Variants in RBFOX1 observed in about 807,000 individuals in gnomAD.
RBFOX1 encodes RNA binding protein fox-1 homolog 1.
In RBFOX1, 8 loss-of-function variants were observed where a neutral mutation model predicts 57.7. The ratio of observed to expected loss-of-function variants is 0.14; its 90% CI spans 0.08 to 0.25. The LOEUF is 0.25. Ranked by LOEUF, RBFOX1 falls within the 10% of genes least tolerant of loss-of-function variation. The pLI is 1.00. For missense variants in RBFOX1, 611 were observed against 548.5 expected, an observed-to-expected ratio of 1.11 and a Z score of -1.14; for synonymous variants, 326 against 222.4, an observed-to-expected ratio of 1.47 and a Z score of -4.15.
Position 6,656,930 on chromosome 16 carries a change from C to T in RBFOX1, c.-16+2280C>T, listed in dbSNP as rs1213258652. The stretch of plus-strand genomic sequence containing the variant: ...CTCCTCTCCTCCCCTCTCCTCTCCT[C>T]CCCTCTCCTCCCCTTTCCTCTCCTC... On this transcript the variant is annotated intron_variant, in intron 3 of 15. Transcript: ENST00000550418. Among the ~76,000 whole-genome samples the T allele has an allele frequency of 9.2e-3, 1,160 of 125,784 alleles. 83 individuals carry two copies. Among genetic ancestry groups the T allele is most frequent in the Admixed American group, 0.029 (343 of 11,838 alleles). 82.5% of individuals were successfully genotyped at this position (125,784 alleles called of 152,430 possible).
At chr16:7,397,478 C>A (rs538782030) in intron 4 of RBFOX1, among the ~76,000 whole-genome samples, 69 of 152,202 alleles carry the variant, frequency 4.5e-4, no homozygotes, top group Non-Finnish European at 8.2e-4. Context: ...TGAGTAGAAA[C>A]ATAGATCCAC....
chr16:7,271,100 C>A (rs902983333), intron 4 of RBFOX1, among the ~76,000 whole-genome samples: 3 of 152,112 alleles, frequency 2.0e-5, no homozygotes, highest in African/African-American at 7.2e-5. Context: ...TAGAGTGTAT[C>A]ACATTGTGCA....
intron 5 of RBFOX1, among the ~76,000 whole-genome samples, chr16:7,524,887 G>T (rs1036845118): frequency 6.6e-6 from 1 of 152,148 alleles, no homozygotes; most frequent in Admixed American, 6.5e-5. Flanking sequence ...CTTGTTCAGG[G>T]CATTCCTTTT....
intron 1 of RBFOX1, among the ~76,000 whole-genome samples, chr16:6,277,109 G>T (rs1341478133): frequency 1.3e-5 from 2 of 152,102 alleles, no homozygotes; most frequent in African/African-American, 4.8e-5. Context: ...AGACACAATT[G>T]CCGGAGGTTC....
At chr16:7,090,774 C>T (rs1599198910) in intron 4 of RBFOX1, among the ~76,000 whole-genome samples, 1 of 152,232 alleles carries the variant, frequency 6.6e-6, no homozygotes, top group East Asian at 1.9e-4. Context: ...AAACAGCCTT[C>T]CCTACGGACT....
At chr16:6,987,482 C>G (rs1471539221) in intron 3 of RBFOX1, among the ~76,000 whole-genome samples, 2 of 121,430 alleles carry the variant, frequency 1.6e-5, no homozygotes, top group Non-Finnish European at 3.1e-5. Flanking sequence ...CACACACACA[C>G]ACACACACAC....
At chr16:6,642,764 C>A (rs1175907851) in intron 2 of RBFOX1, among the ~76,000 whole-genome samples, 1 of 152,082 alleles carries the variant, frequency 6.6e-6, no homozygotes, top group Non-Finnish European at 1.5e-5. Flanking sequence ...ACAGCTTTTT[C>A]CTGCCTAAGA....
At chr16:6,259,708 A>C (rs2097690010) in intron 1 of RBFOX1, among the ~76,000 whole-genome samples, 1 of 152,184 alleles carries the variant, frequency 6.6e-6, no homozygotes, top group Non-Finnish European at 1.5e-5. Flanking sequence ...CTGTAATAGC[A>C]GCACTTTGGG....
chr16:7,389,602 A>T (rs1330376390), intron 4 of RBFOX1, among the ~76,000 whole-genome samples: 1 of 152,216 alleles, frequency 6.6e-6, no homozygotes, highest in African/African-American at 2.4e-5. Context: ...AAGGCAAAAC[A>T]CTACCTAAAA....
At chr16:6,491,320 T>C (rs1014347077) in intron 2 of RBFOX1, among the ~76,000 whole-genome samples, 18 of 152,204 alleles carry the variant, frequency 1.2e-4, no homozygotes, top group African/African-American at 4.1e-4. Flanking sequence ...TACTTCCGCA[T>C]CTTAAGGTGA....
chr16:6,945,824 G>T (rs1210257883), intron 3 of RBFOX1, among the ~76,000 whole-genome samples: 2 of 152,230 alleles, frequency 1.3e-5, no homozygotes, highest in African/African-American at 4.8e-5. Flanking sequence ...CCAGGAGGCG[G>T]AGGTTGCAGT....
At chr16:5,249,050 G>A (rs1248826122) in intron 1 of RBFOX1, among the ~76,000 whole-genome samples, 2 of 151,786 alleles carry the variant, frequency 1.3e-5, no homozygotes, top group African/African-American at 2.4e-5. Flanking sequence ...GGGGCTGTGG[G>A]GCAGCAGCCA....
intron 2 of RBFOX1, among the ~76,000 whole-genome samples, chr16:6,632,980 A>C (rs1377613008): frequency 1.3e-5 from 2 of 152,192 alleles, no homozygotes; most frequent in Admixed American, 6.5e-5. Flanking sequence ...TACAAAAATA[A>C]ATAAATAAAT....
intron 4 of RBFOX1, among the ~76,000 whole-genome samples, chr16:7,058,862 T>A (rs2053341546): frequency 6.6e-6 from 1 of 152,202 alleles, no homozygotes; most frequent in South Asian, 2.1e-4. Flanking sequence ...GCTTTAAAGA[T>A]AAATATTAAC....
In RBFOX1 at chr16:6,188,711, A is replaced by T. The variant is rs2097123359; in HGVS notation, c.-126-128284A>T. 2.0e-5 allele frequency among the ~76,000 whole-genome samples: 3 copies of T among 152,214 alleles called. No individual in the cohort carries two copies. The South Asian group carries it at 6.2e-4, about 32-fold the overall frequency. On this transcript the variant is annotated intron_variant, in intron 1 of 15. Transcript: ENST00000550418. ...GAAGTAATGAGACTACACTGAATGA[A>T]GTGGAGGCGAAAAAATGGAACACAG...
chr16:7,036,616 C>G (rs1202556930), intron 3 of RBFOX1, among the ~76,000 whole-genome samples: 1 of 151,832 alleles, frequency 6.6e-6, no homozygotes, highest in East Asian at 1.9e-4. Flanking sequence ...TCGCTTGAAA[C>G]CGTAAGGCGG....
intron 4 of RBFOX1, among the ~76,000 whole-genome samples, chr16:7,309,201 C>G (rs990192937): frequency 2.0e-5 from 3 of 152,160 alleles, no homozygotes; most frequent in African/African-American, 7.2e-5. Context: ...TCTTGTTTCT[C>G]TGATCTTTTC....
intron 3 of RBFOX1, among the ~76,000 whole-genome samples, chr16:6,964,029 C>G (rs557402294): frequency 2.7e-5 from 4 of 146,624 alleles, no homozygotes; most frequent in African/African-American, 7.6e-5. Flanking sequence ...TTTTTATTTT[C>G]TTTTTTCAAC....
intron 1 of RBFOX1, among the ~76,000 whole-genome samples, chr16:6,073,378 A>G (rs1166837684): frequency 2.6e-5 from 4 of 152,202 alleles, no homozygotes; most frequent in Non-Finnish European, 4.4e-5. Context: ...GGCCCCAGAG[A>G]CACTGTAGGT....
Sources: allele counts gnomAD v4.1 joint callset (sites outside exome capture counted in the v4.1 genomes callset), GRCh38; gene constraint gnomAD v4.1.1; transcripts MANE v1.5; gene names NCBI Gene and HGNC (gene_info 2026-07-23, HGNC 2026-07-21).